Variants in FRMD5 observed in about 807,000 individuals in gnomAD.
FRMD5 encodes FERM domain-containing protein 5.
In FRMD5, 20 loss-of-function variants were observed where a neutral mutation model predicts 69.0. The ratio of observed to expected loss-of-function variants is 0.29; its 90% CI spans 0.20 to 0.42. FRMD5 has a LOEUF of 0.42. FRMD5 is among the 10% of genes least tolerant of loss of function. The pLI, the probability that FRMD5 is intolerant of heterozygous loss-of-function variation, is 1.00. For synonymous variants in FRMD5, 271 were observed against 260.1 expected, an observed-to-expected ratio of 1.04 and a Z score of -0.40; for missense variants, 595 against 708.6, an observed-to-expected ratio of 0.84 and a Z score of 1.82.
At chr15:43,990,083 T>G (rs1174211364) in intron 1 of FRMD5, 2 of 691,002 alleles carry the variant, frequency 2.9e-6, no homozygotes, top group Non-Finnish European at 5.5e-6. Flanking sequence ...CGCCCCACAA[T>G]GAAGGGGAAG....
intron 6 of FRMD5, among the ~76,000 whole-genome samples, chr15:43,903,107 C>T (rs1225885676): frequency 6.6e-6 from 1 of 152,252 alleles, no homozygotes; most frequent in Non-Finnish European, 1.5e-5. Context: ...TTCCCACTGC[C>T]TCTTTAGCAG....
chr15:43,894,319 C>T (rs889036601), intron 7 of FRMD5, among the ~76,000 whole-genome samples: 8 of 152,066 alleles, frequency 5.3e-5, no homozygotes, highest in Middle Eastern at 6.8e-3. Flanking sequence ...AAGCAGGACC[C>T]GGGGAAGTCC....
chr15:44,017,792 G>C (rs1891037336), intron 1 of FRMD5, among the ~76,000 whole-genome samples: 2 of 151,614 alleles, frequency 1.3e-5, no homozygotes, highest in South Asian at 4.2e-4. Context: ...TGTATTTTTA[G>C]TAGAAACAGG....
chr15:43,967,025 T>C (rs1417730645), intron 1 of FRMD5, among the ~76,000 whole-genome samples: 1 of 152,148 alleles, frequency 6.6e-6, no homozygotes, highest in East Asian at 1.9e-4. Flanking sequence ...GCTATAGATT[T>C]AGAAAGACAT....
chr15:44,082,507 T>G (rs1043818634), intron 1 of FRMD5, among the ~76,000 whole-genome samples: 5 of 152,020 alleles, frequency 3.3e-5, no homozygotes, highest in African/African-American at 1.2e-4. Context: ...TTGCATTCAG[T>G]ATTCTTTCAT....
intron 1 of FRMD5, among the ~76,000 whole-genome samples, chr15:44,047,360 A>C (rs926289123): frequency 1.3e-5 from 2 of 151,954 alleles, no homozygotes; most frequent in Non-Finnish European, 2.9e-5. Flanking sequence ...AAAAAGAAAA[A>C]ACTGTTTAAA....
chr15:44,135,780 G>A lies in FRMD5; in HGVS notation c.102+59173C>T, dbSNP rs1203366904. On this transcript the variant is annotated intron_variant, in intron 1 of 13. Transcript: ENST00000417257. ...GTAGAGGTTGCAGTGAGCCGAGATC[G>A]CACTACTGACTCCAGCCTGGGAGAC... Among the ~76,000 whole-genome samples, 9 of 140,004 alleles carry A rather than the reference G, an allele frequency of 6.4e-5. No individual in the cohort carries two copies. The East Asian group carries it at 1.1e-3, about 17-fold the overall frequency. The allele number at this position is 140,004 out of a possible 152,430, so 91.8% of individuals were successfully genotyped here. A position where few individuals can be genotyped will look rare whatever the true frequency, so the allele number is the denominator to read the frequency against.
intron 1 of FRMD5, among the ~76,000 whole-genome samples, chr15:44,020,586 G>T (rs1330708178): frequency 1.3e-5 from 2 of 152,154 alleles, no homozygotes; most frequent in African/African-American, 4.8e-5. Flanking sequence ...GCAAAAAACT[G>T]TACGTTGGAG....
intron 1 of FRMD5, among the ~76,000 whole-genome samples, chr15:44,176,931 T>G (rs545805119): frequency 1.8e-5 from 2 of 113,598 alleles, no homozygotes; most frequent in East Asian, 5.0e-4. Context: ...ACTTAAAGTA[T>G]AATAATAAAA....
intron 1 of FRMD5, among the ~76,000 whole-genome samples, chr15:44,161,890 G>A (rs1216262837): frequency 2.0e-5 from 3 of 152,156 alleles, no homozygotes; most frequent in Non-Finnish European, 2.9e-5. Context: ...ATCTTTATGA[G>A]CCTTATGTTC....
intron 1 of FRMD5, among the ~76,000 whole-genome samples, chr15:44,111,877 G>C (rs1463859455): frequency 6.6e-6 from 1 of 151,262 alleles, no homozygotes; most frequent in Non-Finnish European, 1.5e-5. Flanking sequence ...CTGAGACAGA[G>C]TCTCGTGCTG....
intron 1 of FRMD5, among the ~76,000 whole-genome samples, chr15:44,066,770 G>A (rs947410947): frequency 3.9e-5 from 6 of 152,252 alleles, no homozygotes; most frequent in African/African-American, 1.4e-4. Context: ...CTTTGGAGTT[G>A]GAGGCCACTG....
At chr15:43,950,749 C>T (rs886928590) in intron 1 of FRMD5, among the ~76,000 whole-genome samples, 2 of 152,156 alleles carry the variant, frequency 1.3e-5, no homozygotes, top group Non-Finnish European at 2.9e-5. Flanking sequence ...CGACAGCAAA[C>T]CCCAGATTCT....
At chr15:44,173,335 T>C (rs886407622) in intron 1 of FRMD5, among the ~76,000 whole-genome samples, 2 of 151,968 alleles carry the variant, frequency 1.3e-5, no homozygotes, top group African/African-American at 2.4e-5. Flanking sequence ...ATTTTTTCCA[T>C]AGGAAAAAAG....
At chr15:44,034,551 A>T (rs1395526758) in intron 1 of FRMD5, among the ~76,000 whole-genome samples, 1 of 152,232 alleles carries the variant, frequency 6.6e-6, no homozygotes, top group African/African-American at 2.4e-5. Context: ...ATTGTGAAAT[A>T]AGCACATATT....
chr15:43,976,656 T>C (rs952520777), intron 1 of FRMD5, among the ~76,000 whole-genome samples: 3 of 152,160 alleles, frequency 2.0e-5, no homozygotes, highest in Non-Finnish European at 2.9e-5. Flanking sequence ...CTGACGTTTT[T>C]ATACTAAAGT....
At chr15:44,003,491 A>C (rs1890303788) in intron 1 of FRMD5, among the ~76,000 whole-genome samples, 3 of 152,134 alleles carry the variant, frequency 2.0e-5, no homozygotes, top group Admixed American at 2.0e-4. Context: ...AGAGTCCTAA[A>C]AATGTCCCTA....
chr15:43,873,290 C>CATTTA lies in FRMD5; in HGVS notation c.*590_*594dup. On this transcript the variant is annotated 3_prime_UTR_variant, in exon 14 of 14. Coordinates refer to ENST00000417257, the MANE Select transcript of FRMD5 (RefSeq NM_032892.5). The stretch of plus-strand genomic sequence containing the variant: ...CAGACCATCATAAGAAGCAACTTTC[C>CATTTA]ATTTAATCATTCTACATGGATGTTT... 6.5e-7 allele frequency: 1 copy of CATTTA among 1,534,438 alleles called. No homozygotes were observed. Among genetic ancestry groups the CATTTA allele is most frequent in the South Asian group, 1.2e-5 (1 of 81,534 alleles).
intron 1 of FRMD5, among the ~76,000 whole-genome samples, chr15:43,997,260 T>C (rs1889978017): frequency 6.6e-6 from 1 of 152,206 alleles, no homozygotes; most frequent in South Asian, 2.1e-4. Flanking sequence ...ACGGCATCTT[T>C]GCTCTACCTC....
Sources: gnomAD v4.1 joint callset for allele counts (sites outside exome capture counted in the v4.1 genomes callset) on GRCh38, gnomAD v4.1.1 for gene constraint, MANE v1.5 for transcripts, NCBI Gene and HGNC (gene_info 2026-07-23, HGNC 2026-07-21) for gene names.